Variants in MRPL13 observed in about 807,000 individuals in gnomAD.
MRPL13 encodes the protein mitochondrial ribosomal protein L13, also known as large ribosomal subunit protein uL13m.
MRPL13 carries 33 observed loss-of-function variants against 29.0 expected under a neutral mutation model. That is an observed-to-expected ratio of 1.14 (90% CI 0.86 to 1.52). The LOEUF is 1.52. Among genes scored for constraint, MRPL13 ranks in the 40% most tolerant of loss-of-function variants. The pLI is 0.00. For synonymous variants in MRPL13, 77 were observed against 68.4 expected, an observed-to-expected ratio of 1.13 and a Z score of -0.62; for missense variants, 227 against 216.7, an observed-to-expected ratio of 1.05 and a Z score of -0.30.
chr8:120,417,466 AT>A (rs1268407928), intron 5 of MRPL13, among the ~76,000 whole-genome samples: 2 of 152,104 alleles, frequency 1.3e-5, no homozygotes, highest in African/African-American at 4.8e-5. Context: ...TTCCTTCCAT[AT>A]TTTTTATATG....
intron 4 of MRPL13, among the ~76,000 whole-genome samples, chr8:120,420,993 T>A (rs1812866320): frequency 6.6e-6 from 1 of 151,914 alleles, no homozygotes; most frequent in South Asian, 2.1e-4. Flanking sequence ...CATACAAATG[T>A]ACGTAAACAA....
chr8:120,400,794 A>G (rs1375040704), intron 6 of MRPL13, among the ~76,000 whole-genome samples: 4 of 151,930 alleles, frequency 2.6e-5, no homozygotes, highest in Admixed American at 6.6e-5. Flanking sequence ...GAGGAGAATC[A>G]GACACAATCA....
chr8:120,413,224 CTGAG>C (rs1442291311), intron 6 of MRPL13, among the ~76,000 whole-genome samples: 2 of 152,174 alleles, frequency 1.3e-5, no homozygotes, highest in East Asian at 1.9e-4. Context: ...TAAATACTGG[CTGAG>C]TGTCTATTTA....
chr8:120,443,375 C>T (rs1378566109), intron 1 of MRPL13, 67 bp from the exon 2 acceptor site: 2 of 1,300,150 alleles, frequency 1.5e-6, no homozygotes, highest in Non-Finnish European at 1.0e-6. Context: ...AATGGAAATA[C>T]AGTAATTAAA....
At chr8:120,441,526 T>C (rs1290434943) in intron 2 of MRPL13, among the ~76,000 whole-genome samples, 1 of 152,102 alleles carries the variant, frequency 6.6e-6, no homozygotes, top group Non-Finnish European at 1.5e-5. Context: ...AAGTGAAGAA[T>C]GTGTTTCAAG....
intron 4 of MRPL13, among the ~76,000 whole-genome samples, chr8:120,424,319 G>GA (rs1035156352): frequency 6.6e-6 from 1 of 151,600 alleles, no homozygotes; most frequent in Non-Finnish European, 1.5e-5. Flanking sequence ...AAATTGACAG[G>GA]AAAAAAAATA....
chr8:120,402,696 TCAGAGTCAA>T (rs1391575218), intron 6 of MRPL13, among the ~76,000 whole-genome samples: 1 of 152,106 alleles, frequency 6.6e-6, no homozygotes, highest in African/African-American at 2.4e-5. Flanking sequence ...TAAACTAGCA[TCAGAGTCAA>T]CAGGCAACTC....
intron 2 of MRPL13, among the ~76,000 whole-genome samples, chr8:120,434,645 G>A (rs1369794701): frequency 6.6e-6 from 1 of 152,088 alleles, no homozygotes; most frequent in Non-Finnish European, 1.5e-5. Flanking sequence ...TAAGATCTCA[G>A]AAGTCCTTCT....
chr8:120,437,744 A>C (rs538819396), intron 2 of MRPL13, among the ~76,000 whole-genome samples: 33 of 152,256 alleles, frequency 2.2e-4, no homozygotes, highest in South Asian at 1.9e-3. Context: ...ACAGACATCC[A>C]TTTGACAAAT....
intron 2 of MRPL13, among the ~76,000 whole-genome samples, chr8:120,438,049 C>G (rs1028789290): frequency 7.2e-5 from 11 of 152,098 alleles, no homozygotes; most frequent in African/African-American, 2.7e-4. Flanking sequence ...AGAAGTTTTG[C>G]TAATATGTTA....
chr8:120,443,222 T>A lies in MRPL13; in HGVS notation c.114A>T (p.Arg38Ser). 2 of 1,608,520 alleles carry A rather than the reference T, an allele frequency of 1.2e-6. No individual in the cohort carries two copies. The highest frequency in any genetic ancestry group is 1.7e-6 in the Non-Finnish European group (2 of 1,177,386). Residue 38 changes from arginine (R) to serine (S), a missense_variant, in exon 2 of 7, where the codon AGA becomes AGT. Arg to Ser is a moderately radical substitution (Grantham distance 110). Transcript: ENST00000306185. ...PGKLAAMASIRLQGLHKPVYH... is the reference protein window; with the variant it reads ...PGKLAAMASISLQGLHKPVYH... ...ACACAGGTTTATGTAATCCCTGAAG[T>A]CTTATAGATGCCATAGCAGCAAGTT...
At chr8:120,396,177 C>T (rs1308361728) in intron 6 of MRPL13, 52 bp from the exon 7 acceptor site, 2 of 1,343,084 alleles carry the variant, frequency 1.5e-6, no homozygotes, top group Non-Finnish European at 2.1e-6. Context: ...TTGTTTTCTC[C>T]TGACTGATGA....
intron 6 of MRPL13, among the ~76,000 whole-genome samples, chr8:120,404,092 T>C (rs191113151): frequency 1.2e-3 from 189 of 152,334 alleles, no homozygotes; most frequent in African/African-American, 4.3e-3. Context: ...TTTTCTCCTT[T>C]GGTATGTGAC....
At chr8:120,433,980 T>G (rs1363528638) in intron 2 of MRPL13, among the ~76,000 whole-genome samples, 1 of 152,084 alleles carries the variant, frequency 6.6e-6, no homozygotes, top group Non-Finnish European at 1.5e-5. Context: ...TAGTAAGCAA[T>G]TTTTAGAAAT....
chr8:120,400,512 C>T (rs139115681), intron 6 of MRPL13, among the ~76,000 whole-genome samples: 23 of 151,900 alleles, frequency 1.5e-4, no homozygotes, highest in Non-Finnish European at 2.6e-4. Flanking sequence ...TAAATGCCCA[C>T]GACAAAAAGC....
intron 3 of MRPL13, among the ~76,000 whole-genome samples, chr8:120,430,212 A>C (rs1435804882): frequency 6.6e-6 from 1 of 152,218 alleles, no homozygotes. Context: ...CAGTGAGCCA[A>C]GATCGTACCA....
chr8:120,442,312 T>C (rs10808510), intron 2 of MRPL13, among the ~76,000 whole-genome samples: 144,981 of 152,258 alleles, frequency 0.95, 69,040 homozygotes, highest in East Asian at 1. Flanking sequence ...AATTCCTGTC[T>C]TTTGGGCATA....
intron 5 of MRPL13, 45 bp from the exon 6 acceptor site, chr8:120,414,157 T>C: frequency 2.2e-6 from 3 of 1,369,242 alleles, no homozygotes; most frequent in Non-Finnish European, 2.9e-6. Context: ...AAAATATCTT[T>C]CTTAGCAATA....
rs141879192 is a variant in MRPL13 at position 120,396,121 on chromosome 8, C to G, written c.520G>C (p.Glu174Gln). 3.8e-6 allele frequency: 6 copies of G among 1,584,710 alleles called. No homozygotes were observed. The African/African-American group carries it at 8.1e-5, about 21-fold the overall frequency. ...TTATTCTCTTATAGCCGATAATCTT[C>G]AGGTCTGAAAGAAAAAATCAACATA... ...DAFPRLWTPP[E>Q]DYRL The change falls in exon 7 of 7, where the codon GAA becomes CAA. Residue 174 changes from glutamate to glutamine, a missense_variant. Glu to Gln is a conservative substitution (Grantham distance 29, BLOSUM62 2). Coordinates refer to ENST00000306185, the MANE Select transcript of MRPL13 (RefSeq NM_014078.6).
Sources: allele counts gnomAD v4.1 joint callset (sites outside exome capture counted in the v4.1 genomes callset), GRCh38; gene constraint gnomAD v4.1.1; transcripts MANE v1.5; gene names NCBI Gene and HGNC (gene_info 2026-07-23, HGNC 2026-07-21).